The following ITGA9 variants were observed in gnomAD, a reference collection of about 807,000 sequenced individuals.
ITGA9 encodes the protein integrin subunit alpha 9.
In ITGA9, 56 loss-of-function variants were observed where a neutral mutation model predicts 127.8. That is an observed-to-expected ratio of 0.44 (90% CI 0.35 to 0.55). ITGA9 has a LOEUF of 0.55. Ranked by LOEUF, ITGA9 falls within the 20% of genes least tolerant of loss-of-function variation. The pLI is 0.00. For synonymous variants in ITGA9, 508 were observed against 514.5 expected (o/e 0.99, Z 0.17); for missense variants, 1,196 against 1,347.1 (o/e 0.89, Z 1.76).
intron 3 of ITGA9, among the ~76,000 whole-genome samples, chr3:37,479,151 A>G (rs1165961038): frequency 2.6e-5 from 4 of 152,224 alleles, no homozygotes; most frequent in African/African-American, 4.8e-5. Context: ...TAAGTGATTC[A>G]AGTTTGCGAG....
intron 18 of ITGA9, among the ~76,000 whole-genome samples, chr3:37,726,124 A>C (rs978897468): frequency 2.0e-5 from 3 of 152,238 alleles, no homozygotes; most frequent in Non-Finnish European, 4.4e-5. Flanking sequence ...CTCACCTCTG[A>C]CACCTCAGTT....
intron 15 of ITGA9, among the ~76,000 whole-genome samples, chr3:37,618,554 C>G (rs1418680430): frequency 6.6e-6 from 1 of 152,346 alleles, no homozygotes; most frequent in Non-Finnish European, 1.5e-5. Context: ...TCCCCTACCC[C>G]CAGAGGTGGA....
intron 17 of ITGA9, among the ~76,000 whole-genome samples, chr3:37,658,374 T>C (rs1700498540): frequency 6.6e-6 from 1 of 152,214 alleles, no homozygotes; most frequent in Admixed American, 6.5e-5. Context: ...TGCTCCTGTA[T>C]TGGGTGCATA....
intron 15 of ITGA9, among the ~76,000 whole-genome samples, chr3:37,601,899 C>T (rs1174715380): frequency 2.0e-5 from 3 of 152,210 alleles, no homozygotes; most frequent in African/African-American, 4.8e-5. Context: ...TGGGTGAGGG[C>T]GTCAGGCTGA....
At chr3:37,509,686 A>G (rs1698881975) in intron 8 of ITGA9, among the ~76,000 whole-genome samples, 1 of 152,132 alleles carries the variant, frequency 6.6e-6, no homozygotes, top group African/African-American at 2.4e-5. Context: ...TTGGTTTTGC[A>G]TTTTTCCTCA....
chr3:37,643,666 T>C (rs112757840), intron 16 of ITGA9, among the ~76,000 whole-genome samples: 2,925 of 152,284 alleles, frequency 0.019, 108 homozygotes, highest in African/African-American at 0.066. Flanking sequence ...GAGAGGTGTT[T>C]AAACACACCC....
At chr3:37,585,489 G>C (rs1006501253) in intron 15 of ITGA9, 1 of 446,288 alleles carries the variant, frequency 2.2e-6, no homozygotes, top group South Asian at 1.6e-5. Flanking sequence ...AATAAATAAG[G>C]TTTTACTTTT....
At chr3:37,627,110 C>A (rs1211217557) in intron 15 of ITGA9, among the ~76,000 whole-genome samples, 9 of 152,138 alleles carry the variant, frequency 5.9e-5, no homozygotes, top group African/African-American at 2.2e-4. Flanking sequence ...GTTCAAGAGG[C>A]GTTTTCTGGA....
chr3:37,579,903 G>T (rs1001221510), intron 15 of ITGA9, among the ~76,000 whole-genome samples: 2 of 152,084 alleles, frequency 1.3e-5, no homozygotes, highest in African/African-American at 4.8e-5. Context: ...AGTTATAAAT[G>T]ATTTCTTGTT....
chr3:37,578,427 G>A (rs796959908), intron 15 of ITGA9, among the ~76,000 whole-genome samples: 4 of 152,284 alleles, frequency 2.6e-5, no homozygotes, highest in African/African-American at 9.6e-5. Context: ...AAACGTAAAG[G>A]CCAGTCAGCT....
chr3:37,734,623 G>A (rs898288317), intron 19 of ITGA9, among the ~76,000 whole-genome samples: 2 of 152,184 alleles, frequency 1.3e-5, no homozygotes, highest in African/African-American at 2.4e-5. Flanking sequence ...CCTGGTAGCT[G>A]GGATTACAGG....
At chr3:37,543,471 A>G (rs1338098363) in intron 15 of ITGA9, among the ~76,000 whole-genome samples, 3 of 152,230 alleles carry the variant, frequency 2.0e-5, no homozygotes, top group Non-Finnish European at 4.4e-5. Context: ...GGTGGTCATC[A>G]GGATTAAACA....
intron 23 of ITGA9, among the ~76,000 whole-genome samples, chr3:37,756,405 T>G (rs1238992788): frequency 1.3e-5 from 2 of 152,118 alleles, no homozygotes; most frequent in Non-Finnish European, 2.9e-5. Context: ...GCAAGAAAAT[T>G]TATTGCTTTC....
intron 23 of ITGA9, among the ~76,000 whole-genome samples, chr3:37,771,803 G>C (rs1031446076): frequency 2.0e-5 from 3 of 152,066 alleles, no homozygotes; most frequent in Non-Finnish European, 4.4e-5. Context: ...CTAGGCAGGA[G>C]TCATTTTTTT....
rs1447948572 is a variant in ITGA9 at position 37,821,179 on chromosome 3, G to A, written c.*2190G>A. On this transcript the variant is annotated 3_prime_UTR_variant, in exon 28 of 28. Coordinates refer to ENST00000264741, the MANE Select transcript of ITGA9 (RefSeq NM_002207.3). ...GCTGATCCTGGAAATCAGGGATGTT[G>A]CATCTAACTGTGGGATGGAGGCACA... The A allele has an allele frequency of 6.6e-6, 1 of 152,264 alleles. No homozygotes were observed. Among genetic ancestry groups the A allele is most frequent in the Non-Finnish European group, 1.5e-5 (1 of 68,064 alleles). The allele number at this position is 152,264 out of a possible 1,614,324, so 9.4% of individuals were successfully genotyped here.
chr3:37,491,275 C>T (rs1474052411), intron 4 of ITGA9, among the ~76,000 whole-genome samples: 3 of 152,206 alleles, frequency 2.0e-5, no homozygotes, highest in African/African-American at 4.8e-5. Context: ...CCGTGCTGGC[C>T]AGCTTCCCCA....
chr3:37,803,550 C>T (rs547667704), intron 26 of ITGA9, among the ~76,000 whole-genome samples: 1 of 152,196 alleles, frequency 6.6e-6, no homozygotes, highest in South Asian at 2.1e-4. Flanking sequence ...TTTGGGAGGC[C>T]GAGGTGGGTG....
chr3:37,580,260 A>G (rs1373077082), intron 15 of ITGA9, among the ~76,000 whole-genome samples: 2 of 152,170 alleles, frequency 1.3e-5, no homozygotes, highest in Non-Finnish European at 2.9e-5. Context: ...ATGTTTGTAA[A>G]AGGACAGGGA....
At chr3:37,723,452 C>A (rs1451215127) in intron 18 of ITGA9, among the ~76,000 whole-genome samples, 3 of 152,078 alleles carry the variant, frequency 2.0e-5, no homozygotes, top group Admixed American at 2.0e-4. Context: ...TCTCCGCCTG[C>A]TGGGTTCAAT....
Sources: gnomAD v4.1 joint callset for allele counts (sites outside exome capture counted in the v4.1 genomes callset) on GRCh38, gnomAD v4.1.1 for gene constraint, MANE v1.5 for transcripts, NCBI Gene and HGNC (gene_info 2026-07-23, HGNC 2026-07-21) for gene names.